Variants in PHC3 observed in about 807,000 individuals in gnomAD.
PHC3 encodes polyhomeotic homolog 3.
Under a neutral mutation model 107.4 loss-of-function variants are expected in PHC3, and 13 were observed. That is an observed-to-expected ratio of 0.12 (90% CI 0.08 to 0.19). The LOEUF is 0.19. Among genes scored for constraint, PHC3 ranks in the 10% least tolerant of loss-of-function variants. The pLI is 1.00. For missense variants in PHC3, 992 were observed against 1,210.9 expected, an observed-to-expected ratio of 0.82 and a Z score of 2.68; for synonymous variants, 456 against 427.4, an observed-to-expected ratio of 1.07 and a Z score of -0.83.
chr3:170,124,448 T>C (rs745620469), intron 8 of PHC3, among the ~76,000 whole-genome samples: 4 of 152,120 alleles, frequency 2.6e-5, no homozygotes, highest in African/African-American at 4.8e-5. Flanking sequence ...AGTGGCTCCA[T>C]TATGGCTCAC....
intron 8 of PHC3, among the ~76,000 whole-genome samples, chr3:170,125,184 T>A (rs185684250): frequency 6.6e-6 from 1 of 152,232 alleles, no homozygotes. Flanking sequence ...GTGAAAGCAG[T>A]CATTTGTTAT....
rs1560033238 is a variant in PHC3 at position 170,111,305 on chromosome 3, G to GAAC, written c.2353+2054_2353+2055insGTT. ...AGGAAGGAAGGAAGGAAGGAAGGAA[G>GAAC]GAAGGAAGGAAGGAACGAACGAACG... On this transcript the variant is annotated intron_variant, in intron 11 of 14. Transcript: ENST00000495893. 5.7e-4 allele frequency among the ~76,000 whole-genome samples: 54 copies of GAAC among 95,466 alleles called. 1 individual carries two copies. Among genetic ancestry groups the GAAC allele is most frequent in the South Asian group, 5.5e-3 (17 of 3,080 alleles). 62.6% of individuals were successfully genotyped at this position (95,466 alleles called of 152,430 possible). A position where few individuals can be genotyped will look rare whatever the true frequency, so the allele number is the denominator to read the frequency against.
At position 170,095,165 on chromosome 3, in the gene PHC3, G is replaced by A. The variant is rs561121516; in HGVS notation, c.*2065C>T. The A allele has an allele frequency of 6.6e-6, 1 of 152,136 alleles. No individual in the cohort carries two copies. The highest frequency in any genetic ancestry group is 2.4e-5 in the African/African-American group (1 of 41,508). 9.4% of individuals were successfully genotyped at this position (152,136 alleles called of 1,614,324 possible). ...AAGAAGAGGGAAAAGTCAAGCATAT[G>A]ACAATTCTGTCATGATGATTAACTG... On this transcript the variant is annotated 3_prime_UTR_variant, in exon 15 of 15. Coordinates refer to ENST00000495893, the MANE Select transcript of PHC3 (RefSeq NM_024947.4).
intron 4 of PHC3, among the ~76,000 whole-genome samples, chr3:170,151,517 A>T (rs1725962636): frequency 6.6e-6 from 1 of 152,192 alleles, no homozygotes; most frequent in Non-Finnish European, 1.5e-5. Flanking sequence ...AAAGCCAGAG[A>T]GATGTCACCT....
Position 170,181,729 on chromosome 3 carries a change from T to G in PHC3, c.-14A>C, listed in dbSNP as rs750616402. On this transcript the variant is annotated 5_prime_UTR_variant, in exon 1 of 15. An upstream start codon of the reference 5' UTR is lost. Transcript: ENST00000495893. ...CGCTTCCGCCATCTTCTCTCCTCCA[T>G]CACTAACATGGGCTGCGCATGCGCC... is the stretch of plus-strand genomic sequence containing the variant. 29 of 1,612,404 alleles carry G rather than the reference T, an allele frequency of 1.8e-5. No homozygotes were observed. The highest frequency in any genetic ancestry group is 4.0e-5 in the African/African-American group (3 of 74,986).
At chr3:170,181,679 T>C in intron 1 of PHC3, 23 bp downstream of exon 1, 1 of 1,613,350 alleles carries the variant, frequency 6.2e-7, no homozygotes, top group Non-Finnish European at 8.5e-7. Context: ...AGTTACGACA[T>C]CAGTCACCAT....
chr3:170,179,453 A>T (rs1028790733), intron 1 of PHC3, among the ~76,000 whole-genome samples: 1 of 152,196 alleles, frequency 6.6e-6, no homozygotes, highest in Non-Finnish European at 1.5e-5. Flanking sequence ...CTTTTTAAAA[A>T]ATGTTAAAAA....
rs1299412735 is a variant in PHC3, at chr3:170,094,293, GCTCT to G, written c.*2933_*2936del. 8 of 152,120 alleles carry G rather than the reference GCTCT, an allele frequency of 5.3e-5. No individual in the cohort carries two copies. Among genetic ancestry groups the G allele is most frequent in the Non-Finnish European group, 1.0e-4 (7 of 68,026 alleles). The allele number at this position is 152,120 out of a possible 1,614,324, so 9.4% of individuals were successfully genotyped here. A position where few individuals can be genotyped will look rare whatever the true frequency, so the allele number is the denominator to read the frequency against. ...TATAAAAAATAATTTTTACAAATCA[GCTCT>G]CTTAGTTGTTTAACTTCCCCAGGAA... On this transcript the variant is annotated 3_prime_UTR_variant, in exon 15 of 15. Transcript: ENST00000495893.
At chr3:170,101,296 CTAATT>C (rs1272483881) in intron 14 of PHC3, among the ~76,000 whole-genome samples, 1 of 152,108 alleles carries the variant, frequency 6.6e-6, no homozygotes, top group African/African-American at 2.4e-5. Context: ...TATTGATAAA[CTAATT>C]TAACAAAATC....
intron 8 of PHC3, chr3:170,128,230 C>A: frequency 2.5e-6 from 1 of 403,294 alleles, no homozygotes; most frequent in Non-Finnish European, 3.6e-6. Flanking sequence ...AACAAAATCC[C>A]CTAAAAGCCC....
chr3:170,151,656 G>C (rs1466378155), intron 4 of PHC3, among the ~76,000 whole-genome samples: 1 of 152,180 alleles, frequency 6.6e-6, no homozygotes, highest in Non-Finnish European at 1.5e-5. Flanking sequence ...GAAAAGAGCT[G>C]CCCAATATGT....
chr3:170,112,191 C>T (rs1717925865), intron 11 of PHC3, among the ~76,000 whole-genome samples: 1 of 151,876 alleles, frequency 6.6e-6, no homozygotes, highest in Admixed American at 6.6e-5. Context: ...ATTTTGGATA[C>T]CACTTGGACT....
At chr3:170,179,599 A>G (rs532621667) in intron 1 of PHC3, among the ~76,000 whole-genome samples, 96 of 152,256 alleles carry the variant, frequency 6.3e-4, no homozygotes, top group African/African-American at 2.1e-3. Flanking sequence ...AACTTCCCAT[A>G]CCCTTACAAA....
chr3:170,151,561 T>TATA (rs1208540024), intron 4 of PHC3, among the ~76,000 whole-genome samples: 1 of 152,212 alleles, frequency 6.6e-6, no homozygotes, highest in Non-Finnish European at 1.5e-5. Flanking sequence ...AAGGGTATCT[T>TATA]GGTTCTATAG....
At chr3:170,156,471 C>T (rs532941096) in intron 4 of PHC3, among the ~76,000 whole-genome samples, 2 of 152,144 alleles carry the variant, frequency 1.3e-5, no homozygotes, top group African/African-American at 4.8e-5. Flanking sequence ...GGCCAGGTCT[C>T]GAACTCCTGA....
At chr3:170,139,889 G>GT (rs995763586) in intron 6 of PHC3, among the ~76,000 whole-genome samples, 2 of 152,128 alleles carry the variant, frequency 1.3e-5, no homozygotes, top group African/African-American at 4.8e-5. Flanking sequence ...GCACTCTGGT[G>GT]TCCCACATTC....
At chr3:170,170,236 C>A (rs1729378101) in intron 4 of PHC3, 1 of 151,848 alleles carries the variant, frequency 6.6e-6, no homozygotes, top group South Asian at 2.1e-4. Flanking sequence ...TATGAAGTAT[C>A]AAAGTATTAC....
intron 4 of PHC3, among the ~76,000 whole-genome samples, chr3:170,154,228 G>A (rs1726522636): frequency 1.3e-5 from 2 of 152,080 alleles, no homozygotes; most frequent in Non-Finnish European, 2.9e-5. Flanking sequence ...GTTAATTAAT[G>A]TCATGTTATT....
At chr3:170,101,953 G>C (rs959870198) in intron 14 of PHC3, among the ~76,000 whole-genome samples, 2 of 151,934 alleles carry the variant, frequency 1.3e-5, no homozygotes, top group Admixed American at 1.3e-4. Context: ...TTATTGAAAA[G>C]AATCAAAGAA....
Sources: allele counts gnomAD v4.1 joint callset (sites outside exome capture counted in the v4.1 genomes callset), GRCh38; gene constraint gnomAD v4.1.1; transcripts MANE v1.5; gene names NCBI Gene and HGNC (gene_info 2026-07-23, HGNC 2026-07-21).